FER: variants seen among roughly 807,000 people sequenced by gnomAD.
FER encodes FER tyrosine kinase, also known as tyrosine-protein kinase Fer.
A neutral mutation model predicts 111.0 loss-of-function variants in FER; 63 were observed. The ratio of observed to expected loss-of-function variants is 0.57; its 90% CI spans 0.46 to 0.70. The LOEUF is 0.70. Among genes scored for constraint, FER ranks in the 30% least tolerant of loss-of-function variants. The pLI, the probability that FER is intolerant of heterozygous loss-of-function variation, is 0.00. For synonymous variants in FER, 327 were observed against 313.9 expected, an observed-to-expected ratio of 1.04 and a Z score of -0.44; for missense variants, 914 against 954.0, an observed-to-expected ratio of 0.96 and a Z score of 0.55.
chr5:108,766,888 A>G (rs890866747), intron 1 of FER, among the ~76,000 whole-genome samples: 17 of 152,228 alleles, frequency 1.1e-4, no homozygotes, highest in South Asian at 6.2e-4. Context: ...TAAACTACAT[A>G]TATTGACCTC....
chr5:108,806,971 G>C (rs900505546), intron 3 of FER, among the ~76,000 whole-genome samples: 1 of 152,014 alleles, frequency 6.6e-6, no homozygotes, highest in African/African-American at 2.4e-5. Flanking sequence ...GAATGATATG[G>C]TTTAGCTGTG....
intron 2 of FER, among the ~76,000 whole-genome samples, chr5:108,776,341 A>G (rs1753487849): frequency 6.6e-6 from 1 of 152,182 alleles, no homozygotes; most frequent in Non-Finnish European, 1.5e-5. Context: ...ATTTTCAACC[A>G]TAAAACATAA....
At chr5:109,186,086 C>A (rs977501437) in intron 18 of FER, 114 bp from the exon 19 acceptor site, 1 of 1,440,796 alleles carries the variant, frequency 6.9e-7, no homozygotes, top group Non-Finnish European at 9.7e-7. Context: ...TGTGCTCCAT[C>A]ATTGACCAAA....
chr5:109,173,762 C>T (rs980266723), intron 17 of FER, among the ~76,000 whole-genome samples: 4 of 147,552 alleles, frequency 2.7e-5, no homozygotes, highest in African/African-American at 5.0e-5. Flanking sequence ...TACCTCCCCC[C>T]CCCCCACAAG....
At chr5:109,118,329 A>G (rs1039383321) in intron 17 of FER, among the ~76,000 whole-genome samples, 5 of 152,154 alleles carry the variant, frequency 3.3e-5, no homozygotes, top group African/African-American at 1.2e-4. Context: ...CGTATGTTGA[A>G]CCAGCCTTGC....
intron 13 of FER, among the ~76,000 whole-genome samples, chr5:109,036,279 A>G (rs745534175): frequency 2.0e-5 from 3 of 152,098 alleles, no homozygotes; most frequent in Non-Finnish European, 4.4e-5. Context: ...TTATAGCATT[A>G]ACTTTATATT....
At chr5:108,862,581 A>G (rs1266319662) in intron 5 of FER, among the ~76,000 whole-genome samples, 2 of 152,226 alleles carry the variant, frequency 1.3e-5, no homozygotes, top group Non-Finnish European at 2.9e-5. Flanking sequence ...GAGGCAAAAT[A>G]TGGAATTCAG....
chr5:108,769,663 A>T (rs935053285), intron 2 of FER, among the ~76,000 whole-genome samples: 7 of 152,170 alleles, frequency 4.6e-5, no homozygotes, highest in Admixed American at 1.3e-4. Flanking sequence ...CAGAACTCAT[A>T]GGACTTGTAT....
At chr5:108,884,942 T>G (rs1260286850) in intron 9 of FER, among the ~76,000 whole-genome samples, 2 of 152,006 alleles carry the variant, frequency 1.3e-5, no homozygotes, top group Non-Finnish European at 2.9e-5. Context: ...TGACTTCATT[T>G]ATTTTCTTTT....
rs571403212 is a variant in FER at position 109,195,557 on chromosome 5, A to G, written c.*7982A>G. ...TATAGATTCTAAGCATCAAATCAAA[A>G]TCACAGACAAAGGGGAACTGGTCGA... is the stretch of plus-strand genomic sequence containing the variant. On this transcript the variant is annotated 3_prime_UTR_variant, in exon 20 of 20. Transcript: ENST00000281092. 4.6e-5 allele frequency: 7 copies of G among 152,310 alleles called. No homozygotes were observed. Among genetic ancestry groups the G allele is most frequent in the Non-Finnish European group, 1.0e-4 (7 of 68,026 alleles). The allele number at this position is 152,310 out of a possible 1,614,324, so 9.4% of individuals were successfully genotyped here.
At position 109,003,481 on chromosome 5, in the gene FER, G is replaced by A. The variant is rs557285477; in HGVS notation, c.1657-33941G>A. Among the ~76,000 whole-genome samples, 14 of 152,236 alleles carry A rather than the reference G, an allele frequency of 9.2e-5. 1 individual carries two copies. Among genetic ancestry groups the A allele is most frequent in the Non-Finnish European group, 1.3e-4 (9 of 68,018 alleles). On this transcript the variant is annotated intron_variant, in intron 13 of 19. Coordinates refer to ENST00000281092, the MANE Select transcript of FER (RefSeq NM_005246.4). ...GGGCCTGTTGTGGGTTGGGAGGAGC[G>A]GGGAGGGATAGCAATTGGAGATATA... is the stretch of plus-strand genomic sequence containing the variant.
rs1341293646 is a variant in FER, at chr5:109,190,075, A to G, written c.*2500A>G. 6.6e-6 allele frequency: 1 copy of G among 152,154 alleles called. No homozygotes were observed. The highest frequency in any genetic ancestry group is 1.5e-5 in the Non-Finnish European group (1 of 68,008). The allele number at this position is 152,154 out of a possible 1,614,324, so 9.4% of individuals were successfully genotyped here. On this transcript the variant is annotated 3_prime_UTR_variant, in exon 20 of 20. Transcript: ENST00000281092. ...CACATGCATTAAGAAAAACTTACGC[A>G]AACAGTTTTTCACTGTTAATTTTGT...
intron 8 of FER, among the ~76,000 whole-genome samples, chr5:108,879,953 A>G (rs1158878268): frequency 2.6e-5 from 4 of 151,300 alleles, no homozygotes; most frequent in Non-Finnish European, 5.9e-5. Context: ...CAAATGATCC[A>G]CCCGCCCTCA....
intron 3 of FER, among the ~76,000 whole-genome samples, chr5:108,832,408 A>G (rs1188588232): frequency 1.3e-5 from 2 of 152,230 alleles, no homozygotes; most frequent in East Asian, 1.9e-4. Flanking sequence ...TTTGACCATT[A>G]GGAACTGAAG....
At chr5:109,045,303 A>ACAT (rs141984231) in intron 15 of FER, among the ~76,000 whole-genome samples, 118 of 149,000 alleles carry the variant, frequency 7.9e-4, no homozygotes, top group African/African-American at 2.5e-3. Flanking sequence ...TATACATTAT[A>ACAT]TATATACATT....
intron 14 of FER, among the ~76,000 whole-genome samples, chr5:109,042,754 T>C (rs985859596): frequency 1.3e-5 from 2 of 152,092 alleles, no homozygotes; most frequent in Non-Finnish European, 2.9e-5. Flanking sequence ...AGACGAAGTA[T>C]CAGCTTCTGA....
intron 3 of FER, among the ~76,000 whole-genome samples, chr5:108,800,150 G>T (rs112753040): frequency 5.7e-4 from 86 of 152,138 alleles, no homozygotes; most frequent in African/African-American, 1.6e-3. Context: ...CCTCCCTTTT[G>T]CAGGACACTT....
Position 108,778,616 on chromosome 5 carries a change from G to A in FER, c.-60+10378G>A, listed in dbSNP as rs529842535. On this transcript the variant is annotated intron_variant, in intron 2 of 19. Transcript: ENST00000281092. Reference sequence around the variant, plus strand: ...GCATCTTTTCATATGCTTATTTTCTGTCCGTGTATATTATTTGGTGAGTTG... The same window carrying A: ...GCATCTTTTCATATGCTTATTTTCTATCCGTGTATATTATTTGGTGAGTTG... Among the ~76,000 whole-genome samples the A allele has an allele frequency of 3.9e-5, 6 of 152,240 alleles. No individual in the cohort carries two copies. The East Asian group carries it at 1.2e-3, about 29-fold the overall frequency.
At chr5:108,875,816 G>T (rs1230618886) in intron 8 of FER, among the ~76,000 whole-genome samples, 3 of 152,058 alleles carry the variant, frequency 2.0e-5, no homozygotes, top group Non-Finnish European at 2.9e-5. Flanking sequence ...AAGCAGTAAA[G>T]AATTAAGGTC....
Sources: gnomAD v4.1 joint callset for allele counts (sites outside exome capture counted in the v4.1 genomes callset) on GRCh38, gnomAD v4.1.1 for gene constraint, MANE v1.5 for transcripts, NCBI Gene and HGNC (gene_info 2026-07-23, HGNC 2026-07-21) for gene names.